CSMD1: variants seen among roughly 807,000 people sequenced by gnomAD.
CSMD1 encodes the protein CUB and sushi domain-containing protein 1.
A neutral mutation model predicts 417.5 loss-of-function variants in CSMD1; 213 were observed. That is an observed-to-expected ratio of 0.51 (90% confidence interval 0.46 to 0.57). CSMD1 has a LOEUF of 0.57. Ranked by LOEUF, CSMD1 falls within the 20% of genes least tolerant of loss-of-function variation. The pLI is 0.00. For synonymous variants in CSMD1, 2,862 were observed against 1,736.8 expected (o/e 1.65, Z -16.11); for missense variants, 6,923 against 4,529.7 (o/e 1.53, Z -15.17).
rs5888973 is a variant in CSMD1, at chr8:3,586,277, G to GAA, written c.1098-19_1098-18dup. 0.021 allele frequency: 27,794 copies of GAA among 1,333,786 alleles called. 15 individuals are homozygous for GAA. The highest frequency in any genetic ancestry group is 0.026 in the African/African-American group (1,633 of 63,776). The allele number at this position is 1,333,786 out of a possible 1,614,324, so 82.6% of individuals were successfully genotyped here. A position where few individuals can be genotyped will look rare whatever the true frequency, so the allele number is the denominator to read the frequency against. On this transcript the variant is annotated splice_polypyrimidine_tract_variant and intron_variant, in intron 8 of 69. Coordinates refer to ENST00000635120, the MANE Select transcript of CSMD1 (RefSeq NM_033225.6). ...GCACCAACCCTAAGCCGTTAAAAAA[G>GAA]AAAAAAAAAAACCCAAATTATTTAC...
At chr8:4,782,862 A>T (rs1284672953) in intron 1 of CSMD1, among the ~76,000 whole-genome samples, 3 of 152,098 alleles carry the variant, frequency 2.0e-5, no homozygotes, top group Non-Finnish European at 2.9e-5. Flanking sequence ...TTTTCAATAA[A>T]TGCTAAAAGC....
At chr8:3,132,115 G>A (rs904478729) in intron 41 of CSMD1, among the ~76,000 whole-genome samples, 1 of 152,156 alleles carries the variant, frequency 6.6e-6, no homozygotes, top group African/African-American at 2.4e-5. Flanking sequence ...CTTTCTCAGG[G>A]AAAGCCTGCT....
At chr8:3,832,910 T>C (rs1316364936) in intron 5 of CSMD1, among the ~76,000 whole-genome samples, 1 of 152,164 alleles carries the variant, frequency 6.6e-6, no homozygotes, top group Non-Finnish European at 1.5e-5. Flanking sequence ...GCAACACAAA[T>C]AGGAGTACGT....
chr8:3,537,900 T>G (rs1349221362), intron 10 of CSMD1, among the ~76,000 whole-genome samples: 1 of 152,240 alleles, frequency 6.6e-6, no homozygotes, highest in African/African-American at 2.4e-5. Flanking sequence ...GATGTTCCTT[T>G]TACTTCTCTT....
intron 5 of CSMD1, among the ~76,000 whole-genome samples, chr8:3,867,998 A>C (rs916501950): frequency 6.6e-6 from 1 of 152,104 alleles, no homozygotes; most frequent in African/African-American, 2.4e-5. Context: ...TTCTCAGGTC[A>C]CACACCTCAT....
chr8:4,724,584 T>C (rs554367227), intron 1 of CSMD1, among the ~76,000 whole-genome samples: 21 of 151,646 alleles, frequency 1.4e-4, no homozygotes, highest in African/African-American at 4.4e-4. Flanking sequence ...AGTGAAATTC[T>C]GTTGAAGAAG....
In CSMD1 at chr8:4,137,611, G is replaced by C. The variant is rs775712462; in HGVS notation, c.416-105512C>G. Among the ~76,000 whole-genome samples the C allele has an allele frequency of 3.8e-5, 5 of 131,210 alleles. 2 individuals carry two copies. The highest frequency in any genetic ancestry group is 8.9e-5 in the Non-Finnish European group (5 of 56,478). 86.1% of individuals were successfully genotyped at this position (131,210 alleles called of 152,430 possible). A position where few individuals can be genotyped will look rare whatever the true frequency, so the allele number is the denominator to read the frequency against. ...TGGTTGGTTTGTAAGATACAAAAAA[G>C]ACAACTGTTAATTGATCACATTTTT... is the stretch of plus-strand genomic sequence containing the variant. On this transcript the variant is annotated intron_variant, in intron 3 of 69. Transcript: ENST00000635120.
At chr8:4,141,750 A>G (rs1803805388) in intron 3 of CSMD1, among the ~76,000 whole-genome samples, 1 of 150,960 alleles carries the variant, frequency 6.6e-6, no homozygotes, top group South Asian at 2.1e-4. Flanking sequence ...ACAGTGATTC[A>G]TCCCATGCCA....
intron 7 of CSMD1, among the ~76,000 whole-genome samples, chr8:3,628,892 A>G (rs371096331): frequency 5.9e-5 from 9 of 152,306 alleles, no homozygotes; most frequent in African/African-American, 2.2e-4. Context: ...ATTATTCAAA[A>G]CGAAGACAGG....
At chr8:4,276,038 T>G (rs1033707291) in intron 3 of CSMD1, among the ~76,000 whole-genome samples, 5 of 152,292 alleles carry the variant, frequency 3.3e-5, no homozygotes, top group Admixed American at 3.3e-4. Context: ...GTAAATTAGT[T>G]CAACCGTTGT....
intron 41 of CSMD1, among the ~76,000 whole-genome samples, chr8:3,129,620 C>T (rs573440339): frequency 6.6e-6 from 1 of 151,506 alleles, no homozygotes; most frequent in South Asian, 2.1e-4. Context: ...ACTAAAAGTA[C>T]AAAAATTAGC....
At chr8:4,135,319 G>A (rs186187310) in intron 3 of CSMD1, among the ~76,000 whole-genome samples, 368 of 106,340 alleles carry the variant, frequency 3.5e-3, no homozygotes, top group African/African-American at 0.012. Context: ...AAAGGAGGGA[G>A]GAGCGAAGGA....
At chr8:4,024,782 T>G (rs1270805016) in intron 4 of CSMD1, among the ~76,000 whole-genome samples, 2 of 152,178 alleles carry the variant, frequency 1.3e-5, no homozygotes, top group Non-Finnish European at 2.9e-5. Flanking sequence ...CATACGTAGT[T>G]TATGACAGCT....
At chr8:3,273,129 T>G (rs972823135) in intron 26 of CSMD1, among the ~76,000 whole-genome samples, 2 of 151,612 alleles carry the variant, frequency 1.3e-5, no homozygotes. Flanking sequence ...TTATTGAGAG[T>G]TTTTAGTATG....
intron 12 of CSMD1, among the ~76,000 whole-genome samples, chr8:3,454,787 G>A (rs539617808): frequency 1.3e-5 from 2 of 152,226 alleles, no homozygotes; most frequent in South Asian, 2.1e-4. Context: ...ACAATTATGT[G>A]TCTTTGAGTT....
chr8:4,262,754 T>A lies in CSMD1; in HGVS notation c.415+157199A>T, dbSNP rs963084119. On this transcript the variant is annotated intron_variant, in intron 3 of 69. Transcript: ENST00000635120. Reference sequence around the variant, plus strand: ...TTTGGCCCTGAGGTTTTTCTTTACTTCCTTGCAAACTCAGCTATGGAGAGG... The same window carrying A: ...TTTGGCCCTGAGGTTTTTCTTTACTACCTTGCAAACTCAGCTATGGAGAGG... 8.5e-5 allele frequency among the ~76,000 whole-genome samples: 13 copies of A among 152,248 alleles called. No homozygotes were observed. The South Asian group carries it at 2.7e-3, about 32-fold the overall frequency.
At chr8:4,469,894 G>A (rs1235238618) in intron 2 of CSMD1, among the ~76,000 whole-genome samples, 3 of 151,018 alleles carry the variant, frequency 2.0e-5, no homozygotes, top group Admixed American at 1.3e-4. Flanking sequence ...TTGAGACGGA[G>A]TGTCGCTCTG....
chr8:4,189,495 C>T (rs984716071), intron 3 of CSMD1, among the ~76,000 whole-genome samples: 1 of 152,070 alleles, frequency 6.6e-6, no homozygotes, highest in Non-Finnish European at 1.5e-5. Context: ...AGACAGAGAG[C>T]TATTAATTGT....
intron 7 of CSMD1, among the ~76,000 whole-genome samples, chr8:3,681,202 GAGA>G (rs2117607108): frequency 6.6e-6 from 1 of 152,274 alleles, no homozygotes; most frequent in African/African-American, 2.4e-5. Context: ...AATTAGGCAG[GAGA>G]AGGAAATAAA....
Sources: allele counts gnomAD v4.1 joint callset (sites outside exome capture counted in the v4.1 genomes callset), GRCh38; gene constraint gnomAD v4.1.1; transcripts MANE v1.5; gene names NCBI Gene and HGNC (gene_info 2026-07-23, HGNC 2026-07-21).